The following NHSL2 variants were observed in gnomAD, a reference collection of about 807,000 sequenced individuals.
NHSL2 encodes NHS like 2.
A neutral mutation model predicts 53.4 loss-of-function variants in NHSL2; 27 were observed. The observed-to-expected ratio is 0.51, with a 90% CI of 0.37 to 0.70. The LOEUF is 0.70. NHSL2 is among the 30% of genes least tolerant of loss of function. The pLI is 0.00. For missense variants in NHSL2, 892 were observed against 980.1 expected (o/e 0.91, Z 1.20); for synonymous variants, 408 against 404.1 (o/e 1.01, Z -0.12).
At chrX:71,979,874 C>G (rs2041967240) in intron 1 of NHSL2, among the ~76,000 whole-genome samples, 1 of 110,905 alleles carries the variant, frequency 9.0e-6, no homozygotes, top group African/African-American at 3.3e-5. Flanking sequence ...AGGTTTTCTT[C>G]TAGGGTTTTT....
chrX:71,987,394 C>T (rs753786142), intron 1 of NHSL2, among the ~76,000 whole-genome samples: 2 of 111,581 alleles, frequency 1.8e-5, no homozygotes, highest in African/African-American at 3.3e-5. Context: ...TTCCAGCATA[C>T]GTAGGGGGCA....
chrX:71,977,919 A>G (rs1473180193), intron 1 of NHSL2, among the ~76,000 whole-genome samples: 1 of 111,428 alleles, frequency 9.0e-6, no homozygotes, highest in Non-Finnish European at 1.9e-5. Flanking sequence ...GCATTTGTAC[A>G]GCCCACTAGT....
At chrX:72,043,786 C>G (rs1313212476) in intron 1 of NHSL2, among the ~76,000 whole-genome samples, 2 of 111,701 alleles carry the variant, frequency 1.8e-5, no homozygotes, top group Admixed American at 9.5e-5. Context: ...TTGTTTTTCC[C>G]CCTCTCCAGG....
chrX:71,943,522 G>A lies in NHSL2; in HGVS notation c.280+32155G>A, dbSNP rs533112352. The stretch of plus-strand genomic sequence containing the variant: ...CCATCTAGGTCTTTACTATTCCACA[G>A]ATGTACTCTGCTTACCTCTAGCTCT... On this transcript the variant is annotated intron_variant, in intron 1 of 7. Coordinates refer to ENST00000633930, the MANE Select transcript of NHSL2 (RefSeq NM_001013627.3). 6.2e-5 allele frequency among the ~76,000 whole-genome samples: 7 copies of A among 112,664 alleles called. No individual in the cohort carries two copies. In the South Asian group the frequency reaches 2.6e-3, roughly 41 times the overall value.
intron 1 of NHSL2, among the ~76,000 whole-genome samples, chrX:72,032,631 G>A (rs996345786): frequency 4.5e-5 from 5 of 111,392 alleles, no homozygotes; most frequent in African/African-American, 1.6e-4. Context: ...GACAAAGGTG[G>A]GCAGATCACT....
At chrX:71,950,988 G>A (rs2041817837) in intron 1 of NHSL2, among the ~76,000 whole-genome samples, 2 of 74,368 alleles carry the variant, frequency 2.7e-5, no homozygotes, top group Admixed American at 1.6e-4. Flanking sequence ...CACATATTTG[G>A]ACCCCAAAAT....
At chrX:71,927,086 A>G (rs778040865) in intron 1 of NHSL2, among the ~76,000 whole-genome samples, 1 of 112,151 alleles carries the variant, frequency 8.9e-6, no homozygotes, top group Non-Finnish European at 1.9e-5. Context: ...ACAGTACTGT[A>G]TGCTTCATTT....
At chrX:72,117,457 C>G (rs1323308030) in intron 1 of NHSL2, among the ~76,000 whole-genome samples, 2 of 108,399 alleles carry the variant, frequency 1.8e-5, no homozygotes, top group East Asian at 5.7e-4. Flanking sequence ...GCAAACCACA[C>G]AATTCATCCA....
At chrX:71,964,001 A>G (rs868836692) in intron 1 of NHSL2, among the ~76,000 whole-genome samples, 4 of 7,760 alleles carry the variant, frequency 5.2e-4, no homozygotes, top group African/African-American at 1.1e-3. Flanking sequence ...ATGTATATAC[A>G]TATATATATG....
chrX:71,937,664 G>A (rs2041745834), intron 1 of NHSL2, among the ~76,000 whole-genome samples: 1 of 112,083 alleles, frequency 8.9e-6, no homozygotes, highest in South Asian at 3.7e-4. Flanking sequence ...TGTCTTCTCA[G>A]TATGGTGGTT....
intron 1 of NHSL2, among the ~76,000 whole-genome samples, chrX:71,937,855 C>G (rs1276613652): frequency 8.9e-6 from 1 of 112,160 alleles, no homozygotes; most frequent in Non-Finnish European, 1.9e-5. Flanking sequence ...GAGGGCTGTG[C>G]TCCTTGTCTC....
chrX:71,983,250 T>C (rs2041987654), intron 1 of NHSL2, among the ~76,000 whole-genome samples: 1 of 111,334 alleles, frequency 9.0e-6, no homozygotes, highest in Admixed American at 9.6e-5. Context: ...GTGAATATAC[T>C]AAAAAGCCAT....
chrX:72,111,672 T>G (rs2042094613), intron 1 of NHSL2, among the ~76,000 whole-genome samples: 1 of 111,939 alleles, frequency 8.9e-6, no homozygotes, highest in Admixed American at 9.4e-5. Flanking sequence ...AGGGAGGGGC[T>G]ACACAACCCC....
At chrX:72,056,116 C>T (rs970538382) in intron 1 of NHSL2, among the ~76,000 whole-genome samples, 1 of 111,505 alleles carries the variant, frequency 9.0e-6, no homozygotes, top group East Asian at 2.8e-4. Context: ...TTTTTAAAAG[C>T]GGACATTTTC....
chrX:71,965,736 A>G (rs1244926650), intron 1 of NHSL2, among the ~76,000 whole-genome samples: 3 of 112,404 alleles, frequency 2.7e-5, no homozygotes, highest in African/African-American at 9.7e-5. Flanking sequence ...TTTACTATTC[A>G]TGAACGTAGA....
At chrX:72,082,617 G>A (rs2041802339) in intron 1 of NHSL2, among the ~76,000 whole-genome samples, 1 of 112,169 alleles carries the variant, frequency 8.9e-6, no homozygotes, top group African/African-American at 3.2e-5. Context: ...TTGAACCCAG[G>A]CCCATCAAAC....
chrX:72,055,570 A>G (rs1232725952), intron 1 of NHSL2, among the ~76,000 whole-genome samples: 3 of 112,135 alleles, frequency 2.7e-5, no homozygotes, highest in Non-Finnish European at 5.6e-5. Flanking sequence ...TATAAGATAC[A>G]TCCTATACTT....
chrX:72,004,075 C>G (rs1367777006), intron 1 of NHSL2, among the ~76,000 whole-genome samples: 1 of 112,351 alleles, frequency 8.9e-6, no homozygotes, highest in Non-Finnish European at 1.9e-5. Context: ...TGCTCAACCT[C>G]TCTGAGCTTT....
chrX:71,946,981 A>G (rs1007975344), intron 1 of NHSL2, among the ~76,000 whole-genome samples: 3 of 112,369 alleles, frequency 2.7e-5, no homozygotes, highest in Non-Finnish European at 5.6e-5. Context: ...ACCATTGGCC[A>G]GTGGAGAGGT....
Sources: gnomAD v4.1 joint callset for allele counts (sites outside exome capture counted in the v4.1 genomes callset) on GRCh38, gnomAD v4.1.1 for gene constraint, MANE v1.5 for transcripts, NCBI Gene and HGNC (gene_info 2026-07-23, HGNC 2026-07-21) for gene names.